AVL9: variants seen among roughly 807,000 people sequenced by gnomAD.
The protein encoded by AVL9 is late secretory pathway protein AVL9 homolog.
In AVL9, 49 loss-of-function variants were observed where a neutral mutation model predicts 79.2. The ratio of observed to expected loss-of-function variants is 0.62; its 90% CI spans 0.49 to 0.79. The LOEUF (loss-of-function observed/expected upper bound fraction) is 0.79, where lower values mean the gene tolerates loss of function less well. Among genes scored for constraint, AVL9 ranks in the 30% least tolerant of loss-of-function variants. The pLI, the probability that AVL9 is intolerant of heterozygous loss-of-function variation, is 0.00. For missense variants in AVL9, 682 were observed against 776.8 expected (o/e 0.88, Z 1.45); for synonymous variants, 299 against 280.6 (o/e 1.07, Z -0.65).
chr7:32,570,255 T>C, intron 11 of AVL9, 101 bp downstream of exon 11: 2 of 1,433,680 alleles, frequency 1.4e-6, no homozygotes, highest in Non-Finnish European at 1.9e-6. Flanking sequence ...GTAATGATAA[T>C]AACTGCATAC....
intron 6 of AVL9, 59 bp downstream of exon 6, chr7:32,552,354 T>G: frequency 2.9e-6 from 3 of 1,044,356 alleles, no homozygotes; most frequent in Non-Finnish European, 4.4e-6. Context: ...TTTAGCAAAC[T>G]GAGTTGCGTG....
intron 1 of AVL9, among the ~76,000 whole-genome samples, chr7:32,514,180 G>T (rs1787809882): frequency 6.6e-6 from 1 of 152,028 alleles, no homozygotes; most frequent in Non-Finnish European, 1.5e-5. Context: ...CCCTTTACAG[G>T]TGTCGGGCTG....
chr7:32,539,332 A>G (rs187249614), intron 1 of AVL9: 11 of 152,320 alleles, frequency 7.2e-5, no homozygotes, highest in Non-Finnish European at 1.2e-4. Context: ...CTATGTTACT[A>G]TTGATTTTAG....
At chr7:32,552,053 C>T (rs1349950908) in intron 5 of AVL9, among the ~76,000 whole-genome samples, 176 bp from the exon 6 acceptor site, 1 of 152,164 alleles carries the variant, frequency 6.6e-6, no homozygotes, top group Non-Finnish European at 1.5e-5. Flanking sequence ...TGCTCATATC[C>T]AGAAGAGAAG....
intron 1 of AVL9, among the ~76,000 whole-genome samples, chr7:32,517,719 T>TA (rs1787967082): frequency 6.6e-6 from 1 of 152,230 alleles, no homozygotes; most frequent in South Asian, 2.1e-4. Context: ...ATTTCATACT[T>TA]ATCCCTGCTA....
chr7:32,512,223 A>G (rs1012757658), intron 1 of AVL9, among the ~76,000 whole-genome samples: 3 of 152,188 alleles, frequency 2.0e-5, no homozygotes, highest in African/African-American at 7.2e-5. Flanking sequence ...CTCCATAGGC[A>G]AAGATTGATC....
chr7:32,539,187 G>A (rs34607707), intron 1 of AVL9: 51,963 of 152,066 alleles, frequency 0.34, 9,293 homozygotes, highest in Middle Eastern at 0.48. Flanking sequence ...AGAGGCAGAG[G>A]TTGCGGTGAG....
intron 3 of AVL9, among the ~76,000 whole-genome samples, chr7:32,546,634 A>G (rs1789518929): frequency 6.6e-6 from 1 of 152,070 alleles, no homozygotes; most frequent in South Asian, 2.1e-4. Flanking sequence ...CATCCTGGCT[A>G]ACATAGTGAA....
In AVL9 at chr7:32,552,243, T is replaced by C; in HGVS notation, c.477T>C (p.His159=). The change falls in exon 6 of 16, where the codon CAT becomes CAC. Residue 159 remains histidine, a synonymous_variant. Coordinates refer to ENST00000318709, the MANE Select transcript of AVL9 (RefSeq NM_015060.3). ...ATATTTTATAGGAGCTTTATGAACA[T>C]ATGAATAGTTCCTTGGGAGGTGCTT... is the stretch of plus-strand genomic sequence containing the variant. The part of the protein sequence containing the change: ...QISILKELYE[H]MNSSLGGASL... 6.3e-7 allele frequency: 1 copy of C among 1,594,340 alleles called. No individual in the cohort carries two copies. Among genetic ancestry groups the C allele is most frequent in the East Asian group, 2.2e-5 (1 of 44,670 alleles).
At chr7:32,544,393 C>T (rs1789372137) in intron 2 of AVL9, among the ~76,000 whole-genome samples, 2 of 151,752 alleles carry the variant, frequency 1.3e-5, no homozygotes, top group East Asian at 1.9e-4. Context: ...GCTTTTATGA[C>T]TGTCTACTTT....
At chr7:32,526,999 A>G (rs1345080029) in intron 1 of AVL9, among the ~76,000 whole-genome samples, 1 of 152,090 alleles carries the variant, frequency 6.6e-6, no homozygotes, top group Non-Finnish European at 1.5e-5. Flanking sequence ...TTTTTACTTG[A>G]CTGTCTCAAA....
chr7:32,564,055 C>A (rs1414498373), intron 10 of AVL9, among the ~76,000 whole-genome samples: 1 of 152,100 alleles, frequency 6.6e-6, no homozygotes, highest in Non-Finnish European at 1.5e-5. Flanking sequence ...GACCTGCCCT[C>A]TAATTTTTAC....
intron 1 of AVL9, among the ~76,000 whole-genome samples, chr7:32,530,465 G>A (rs575701592): frequency 2.0e-5 from 3 of 152,254 alleles, no homozygotes; most frequent in East Asian, 1.9e-4. Flanking sequence ...AAATACTTAC[G>A]TTTCAATAAA....
chr7:32,524,024 C>T (rs1250535902), intron 1 of AVL9, among the ~76,000 whole-genome samples: 1 of 151,728 alleles, frequency 6.6e-6, no homozygotes. Context: ...TGAGCCCCTG[C>T]ACCCAGTCGA....
intron 13 of AVL9, among the ~76,000 whole-genome samples, chr7:32,577,753 A>C (rs372506559): frequency 6.0e-4 from 92 of 152,370 alleles, no homozygotes; most frequent in African/African-American, 2.1e-3. Context: ...ATTATGAAAT[A>C]GTGCTTAGAA....
rs1222259297 is a variant in AVL9, at chr7:32,575,949, TGACA to T, written c.1571-1_1573del. 1.9e-6 allele frequency: 3 copies of T among 1,586,354 alleles called. No homozygotes were observed. Among genetic ancestry groups the T allele is most frequent in the Non-Finnish European group, 2.6e-6 (3 of 1,154,892 alleles). On this transcript the variant is annotated splice_acceptor_variant and splice_polypyrimidine_tract_variant and intron_variant, in intron 12 of 15. Transcript: ENST00000318709. LOFTEE classifies it high-confidence loss of function. ...GCTCAACTTCTTTCAAACATTTACT[TGACA>T]GACAATGAAAAGATATTATCGGACT...
intron 1 of AVL9, among the ~76,000 whole-genome samples, chr7:32,519,424 TC>T (rs1227388723): frequency 7.7e-6 from 1 of 129,408 alleles, no homozygotes; most frequent in Admixed American, 8.4e-5. Flanking sequence ...CGAGACTCTG[TC>T]CCAAAAAAAA....
intron 1 of AVL9, chr7:32,538,322 T>C (rs190336190): frequency 6.6e-6 from 1 of 152,332 alleles, no homozygotes; most frequent in East Asian, 1.9e-4. Flanking sequence ...GATTGTCTTA[T>C]TTATTTATTT....
chr7:32,506,114 T>A (rs1787401788), intron 1 of AVL9, among the ~76,000 whole-genome samples: 1 of 152,166 alleles, frequency 6.6e-6, no homozygotes, highest in Non-Finnish European at 1.5e-5. Flanking sequence ...ATGATAAAGT[T>A]TAGTTTATAA....
Sources: gnomAD v4.1 joint callset for allele counts (sites outside exome capture counted in the v4.1 genomes callset) on GRCh38, gnomAD v4.1.1 for gene constraint, MANE v1.5 for transcripts, NCBI Gene and HGNC (gene_info 2026-07-23, HGNC 2026-07-21) for gene names.